Variants in FHIT observed in about 807,000 individuals in gnomAD.
The protein encoded by FHIT is fragile histidine triad diadenosine triphosphatase.
FHIT carries 19 observed loss-of-function variants against 17.9 expected under a neutral mutation model. The observed-to-expected ratio is 1.06, with a 90% CI of 0.74 to 1.56. FHIT has a LOEUF of 1.56. FHIT is among the 40% of genes most tolerant of loss of function. The probability of loss-of-function intolerance (pLI) is 0.00; values close to 1 mark genes in which losing one functional copy is unlikely to be tolerated. For synonymous variants in FHIT, 81 were observed against 69.7 expected (o/e 1.16, Z -0.81); for missense variants, 248 against 189.2 (o/e 1.31, Z -1.82).
intron 5 of FHIT, among the ~76,000 whole-genome samples, chr3:60,421,822 GC>G (rs1250998885): frequency 6.6e-6 from 1 of 152,090 alleles, no homozygotes; most frequent in Non-Finnish European, 1.5e-5. Context: ...GGAAAATACA[GC>G]TTTTGTTGTA....
intron 5 of FHIT, among the ~76,000 whole-genome samples, chr3:60,343,659 G>A (rs1338740983): frequency 1.3e-5 from 2 of 152,092 alleles, no homozygotes; most frequent in African/African-American, 4.8e-5. Flanking sequence ...GATAGTCTAG[G>A]CTGCAATTTT....
intron 5 of FHIT, among the ~76,000 whole-genome samples, chr3:60,193,574 GA>G (rs1429999017): frequency 6.6e-6 from 1 of 152,168 alleles, no homozygotes; most frequent in African/African-American, 2.4e-5. Flanking sequence ...CAGAAAAGAA[GA>G]AATATGCATA....
intron 7 of FHIT, among the ~76,000 whole-genome samples, chr3:59,958,838 C>G (rs1245516443): frequency 6.6e-6 from 1 of 151,762 alleles, no homozygotes; most frequent in African/African-American, 2.4e-5. Context: ...TTAGCATCTC[C>G]TGAGAATCCC....
chr3:61,243,633 C>T (rs2040421755), intron 1 of FHIT, among the ~76,000 whole-genome samples: 1 of 152,102 alleles, frequency 6.6e-6, no homozygotes, highest in African/African-American at 2.4e-5. Context: ...TGTTTAAACC[C>T]TTTCAATAAC....
At chr3:60,806,261 C>A (rs1701383243) in intron 4 of FHIT, among the ~76,000 whole-genome samples, 1 of 152,190 alleles carries the variant, frequency 6.6e-6, no homozygotes, top group African/African-American at 2.4e-5. Context: ...GCAGCCACAA[C>A]CCTGTCTCCT....
intron 8 of FHIT, among the ~76,000 whole-genome samples, chr3:59,859,418 G>C (rs1273425195): frequency 2.0e-5 from 3 of 152,162 alleles, no homozygotes; most frequent in East Asian, 3.9e-4. Flanking sequence ...GACAGGGAAA[G>C]AATAAAAATC....
chr3:59,749,791 G>A (rs1045268372), intron 9 of FHIT: 2 of 222,048 alleles, frequency 9.0e-6, no homozygotes, highest in Admixed American at 5.9e-5. Flanking sequence ...CTGTGAGGAT[G>A]GTTTCAATAG....
At chr3:60,470,080 C>CTCTCTCTCTCTCTCTCTCTCTCTCTCT (rs370993192) in intron 5 of FHIT, among the ~76,000 whole-genome samples, 8 of 151,102 alleles carry the variant, frequency 5.3e-5, no homozygotes, top group African/African-American at 2.0e-4. Context: ...CTCTCTCTCT[C>CTCTCTCTCTCTCTCTCTCTCTCTCTCT]CAGAGCTGCC....
chr3:60,927,705 C>A (rs988511727), intron 3 of FHIT, among the ~76,000 whole-genome samples: 1 of 151,426 alleles, frequency 6.6e-6, no homozygotes. Context: ...CACCCCCGCC[C>A]GGCAGCCGCC....
chr3:60,622,429 G>A lies in FHIT; in HGVS notation c.-17-85450C>T, dbSNP rs80003729. Among the ~76,000 whole-genome samples, 1,417 of 151,974 alleles carry A rather than the reference G, an allele frequency of 9.3e-3. 13 individuals carry two copies. Among genetic ancestry groups the A allele is most frequent in the Middle Eastern group, 0.017 (5 of 294 alleles). On this transcript the variant is annotated intron_variant, in intron 4 of 9. Transcript: ENST00000492590. The stretch of plus-strand genomic sequence containing the variant: ...AGGAAACTGCTTTTGTCATTAGGTG[G>A]GAAGGACTAACACACTTAAGAGAGA...
intron 4 of FHIT, among the ~76,000 whole-genome samples, chr3:60,547,612 CTCTTA>C (rs2036410316): frequency 6.6e-6 from 1 of 152,172 alleles, no homozygotes; most frequent in African/African-American, 2.4e-5. Flanking sequence ...TGCTACCTCT[CTCTTA>C]TGACATATTT....
intron 5 of FHIT, among the ~76,000 whole-genome samples, chr3:60,335,172 C>T (rs1710174017): frequency 6.6e-6 from 1 of 152,032 alleles, no homozygotes; most frequent in African/African-American, 2.4e-5. Context: ...AAGTAGTTCA[C>T]AGGAAAATAG....
intron 2 of FHIT, among the ~76,000 whole-genome samples, chr3:61,093,155 G>C (rs2035538204): frequency 6.6e-6 from 1 of 152,182 alleles, no homozygotes. Context: ...GGGATGTTTT[G>C]AGGACTTGAT....
intron 1 of FHIT, among the ~76,000 whole-genome samples, chr3:61,241,370 A>C (rs942875604): frequency 1.3e-5 from 2 of 152,192 alleles, no homozygotes; most frequent in Non-Finnish European, 2.9e-5. Context: ...AAAACCAAGC[A>C]GGTACCGTCC....
At chr3:61,125,142 G>A (rs1297666616) in intron 2 of FHIT, among the ~76,000 whole-genome samples, 3 of 152,186 alleles carry the variant, frequency 2.0e-5, no homozygotes, top group South Asian at 2.1e-4. Context: ...AATGATTCAC[G>A]GAAGAATGGT....
chr3:59,799,291 C>A (rs1380430759), intron 8 of FHIT, among the ~76,000 whole-genome samples: 1 of 152,142 alleles, frequency 6.6e-6, no homozygotes, highest in Non-Finnish European at 1.5e-5. Context: ...TTTGACCTCC[C>A]TGAGTTCTAA....
chr3:60,672,293 A>G (rs200313626), intron 4 of FHIT, among the ~76,000 whole-genome samples: 7,546 of 147,482 alleles, frequency 0.051, 280 homozygotes, highest in African/African-American at 0.094. Flanking sequence ...GGCTGAGTCC[A>G]AAAAGAGAGT....
rs374465705 is a variant in FHIT at position 60,892,311 on chromosome 3, C to G, written c.-110-70300G>C. On this transcript the variant is annotated intron_variant, in intron 3 of 9. Coordinates refer to ENST00000492590, the MANE Select transcript of FHIT (RefSeq NM_002012.4). ...CATAGCCTCCCCTGGAAGGCACTGCCATTGTTTCCAATACTCTCAGCTTTA... is the reference window on the plus strand; with the variant it reads ...CATAGCCTCCCCTGGAAGGCACTGCGATTGTTTCCAATACTCTCAGCTTTA... Among the ~76,000 whole-genome samples, 4 of 152,110 alleles carry G rather than the reference C, an allele frequency of 2.6e-5. No individual in the cohort carries two copies. The East Asian group carries it at 7.7e-4, about 29-fold the overall frequency.
chr3:60,932,901 A>G (rs1234886765), intron 3 of FHIT, among the ~76,000 whole-genome samples: 1 of 152,156 alleles, frequency 6.6e-6, no homozygotes, highest in Admixed American at 6.5e-5. Flanking sequence ...GTAGCCAGTC[A>G]CACCACAAGC....
Sources: gnomAD v4.1 joint callset for allele counts (sites outside exome capture counted in the v4.1 genomes callset) on GRCh38, gnomAD v4.1.1 for gene constraint, MANE v1.5 for transcripts, NCBI Gene and HGNC (gene_info 2026-07-23, HGNC 2026-07-21) for gene names.